The following NCMAP variants were observed in gnomAD, a reference collection of about 807,000 sequenced individuals.
NCMAP encodes the protein noncompact myelin-associated protein.
In NCMAP, 8 loss-of-function variants were observed where a neutral mutation model predicts 7.8. The observed-to-expected ratio is 1.02, with a 90% CI of 0.60 to 1.84. The LOEUF is 1.84. NCMAP is among the 40% of genes most tolerant of loss of function. The pLI is 0.00. For synonymous variants in NCMAP, 41 were observed against 52.9 expected, an observed-to-expected ratio of 0.78 and a Z score of 0.98; for missense variants, 112 against 131.4, an observed-to-expected ratio of 0.85 and a Z score of 0.72.
At position 24,595,459 on chromosome 1, in the gene NCMAP, C is replaced by A. The variant is rs778420048; in HGVS notation, c.29C>A (p.Thr10Asn). Residue 10 changes from threonine to asparagine, a missense_variant, in exon 2 of 4, where the codon ACC (threonine) becomes AAC (asparagine). Thr to Asn is a moderately conservative substitution (Grantham distance 65). Coordinates refer to ENST00000374392, the MANE Select transcript of NCMAP (RefSeq NM_001010980.5). MTTATPLGD[T>N]TFFSLNMTTR... ...ACCACAGCCACCCCTCTGGGGGATA[C>A]CACCTTCTTCTCACTGAACATGACC... is the stretch of plus-strand genomic sequence containing the variant. 2.0e-5 allele frequency: 33 copies of A among 1,613,864 alleles called. No homozygotes were observed. The highest frequency in any genetic ancestry group is 4.0e-5 in the African/African-American group (3 of 74,916).
At chr1:24,600,816 C>A in intron 2 of NCMAP, 124 bp from the exon 3 acceptor site, 1 of 809,254 alleles carries the variant, frequency 1.2e-6, no homozygotes, top group South Asian at 1.5e-5. Flanking sequence ...GGGAGTGTCC[C>A]AGGATGTTGC....
chr1:24,577,725 A>G (rs552727255), intron 1 of NCMAP, among the ~76,000 whole-genome samples: 1 of 152,164 alleles, frequency 6.6e-6, no homozygotes, highest in Admixed American at 6.5e-5. Context: ...AACTACATCT[A>G]CATAGTCTTG....
chr1:24,592,791 C>A (rs768336944), intron 1 of NCMAP, among the ~76,000 whole-genome samples: 2 of 151,986 alleles, frequency 1.3e-5, no homozygotes, highest in Non-Finnish European at 2.9e-5. Flanking sequence ...TGGTGGCGGG[C>A]GCCTGTAGTC....
At chr1:24,574,265 C>T (rs774060246) in intron 1 of NCMAP, among the ~76,000 whole-genome samples, 1 of 150,548 alleles carries the variant, frequency 6.6e-6, no homozygotes, top group Non-Finnish European at 1.5e-5. Context: ...ATTACAGGTG[C>T]GTGCCACCAT....
chr1:24,585,966 G>A (rs912609333), intron 1 of NCMAP, among the ~76,000 whole-genome samples: 2 of 152,166 alleles, frequency 1.3e-5, no homozygotes, highest in African/African-American at 4.8e-5. Context: ...CAGAGAACAA[G>A]GAATTCAAGC....
At chr1:24,599,516 T>C (rs937530857) in intron 2 of NCMAP, among the ~76,000 whole-genome samples, 1 of 152,130 alleles carries the variant, frequency 6.6e-6, no homozygotes, top group Admixed American at 6.6e-5. Context: ...AAGAAAAATA[T>C]ATAATTAAAC....
In NCMAP at chr1:24,607,719, G is replaced by T. The variant is rs1393050423; in HGVS notation, c.*1972G>T. 1.3e-5 allele frequency: 2 copies of T among 152,222 alleles called. No homozygotes were observed. Among genetic ancestry groups the T allele is most frequent in the Admixed American group, 6.5e-5 (1 of 15,278 alleles). The allele number at this position is 152,222 out of a possible 1,614,324, so 9.4% of individuals were successfully genotyped here. ...GTCTCTACTAATAATACAAAATTTA[G>T]CTGGGCATGGTGGCATGCACCTGTA... On this transcript the variant is annotated 3_prime_UTR_variant, in exon 4 of 4. Transcript: ENST00000374392.
intron 1 of NCMAP, among the ~76,000 whole-genome samples, chr1:24,588,725 C>T (rs987075880): frequency 5.9e-5 from 9 of 152,240 alleles, no homozygotes; most frequent in Non-Finnish European, 1.2e-4. Context: ...AAGAAAACAA[C>T]AGTCCCTTGT....
At chr1:24,557,102 T>C (rs1188431864) in intron 1 of NCMAP, among the ~76,000 whole-genome samples, 1 of 152,206 alleles carries the variant, frequency 6.6e-6, no homozygotes, top group Non-Finnish European at 1.5e-5. Flanking sequence ...TATTAATGTC[T>C]GCTAGCAGCT....
In NCMAP at chr1:24,576,450, C is replaced by T. The variant is rs143654356; in HGVS notation, c.-7-18974C>T. ...AACTCCTGTCCTCTCTGGAGTCCAG[C>T]GGCTGCCAGGCCCAGGCTTGGCAGG... On this transcript the variant is annotated intron_variant, in intron 1 of 3. Transcript: ENST00000374392. The surrounding 1 kb of genome is among the most constrained non-coding windows in gnomAD (Gnocchi z 4.0). Among the ~76,000 whole-genome samples the T allele has an allele frequency of 2.7e-4, 41 of 152,232 alleles. No individual in the cohort carries two copies. Among genetic ancestry groups the T allele is most frequent in the African/African-American group, 8.7e-4 (36 of 41,530 alleles).
intron 1 of NCMAP, among the ~76,000 whole-genome samples, chr1:24,593,277 G>A (rs767328633): frequency 2.6e-5 from 4 of 151,992 alleles, no homozygotes; most frequent in African/African-American, 4.8e-5. Flanking sequence ...TTGAGTCCAG[G>A]AGTTTGAGAC....
At chr1:24,561,630 G>A (rs1206515030) in intron 1 of NCMAP, among the ~76,000 whole-genome samples, 1 of 151,936 alleles carries the variant, frequency 6.6e-6, no homozygotes, top group Admixed American at 6.6e-5. Flanking sequence ...GAAGGGAGGG[G>A]CCGGGCGCGG....
chr1:24,601,272 C>A (rs1652479832), intron 3 of NCMAP, among the ~76,000 whole-genome samples: 1 of 152,042 alleles, frequency 6.6e-6, no homozygotes, highest in Non-Finnish European at 1.5e-5. Context: ...TGGTCTTGAG[C>A]ACTGTGGTAA....
chr1:24,577,711 T>C (rs970518787), intron 1 of NCMAP, among the ~76,000 whole-genome samples: 13 of 152,126 alleles, frequency 8.5e-5, no homozygotes, highest in African/African-American at 2.9e-4. Context: ...ATGGCATAGA[T>C]ATTAACTACA....
chr1:24,572,568 G>A (rs1651420488), intron 1 of NCMAP, among the ~76,000 whole-genome samples: 1 of 150,314 alleles, frequency 6.7e-6, no homozygotes, highest in Admixed American at 6.6e-5. Flanking sequence ...GGACACACCA[G>A]CCCACAGAGG....
intron 2 of NCMAP, among the ~76,000 whole-genome samples, chr1:24,597,857 C>T (rs926013852): frequency 6.6e-6 from 1 of 151,740 alleles, no homozygotes; most frequent in African/African-American, 2.4e-5. Context: ...TTGAGATGTA[C>T]TTATACTAAA....
At chr1:24,565,896 A>C (rs541622634) in intron 1 of NCMAP, among the ~76,000 whole-genome samples, 3 of 152,270 alleles carry the variant, frequency 2.0e-5, no homozygotes, top group Admixed American at 2.0e-4. Context: ...GAGAGACCAG[A>C]TGGAGGTAAT....
At chr1:24,584,857 A>T (rs1651833873) in intron 1 of NCMAP, among the ~76,000 whole-genome samples, 2 of 151,766 alleles carry the variant, frequency 1.3e-5, no homozygotes, top group South Asian at 4.2e-4. Flanking sequence ...AAACAGACCC[A>T]CGGCCCTCTT....
intron 1 of NCMAP, among the ~76,000 whole-genome samples, chr1:24,563,416 G>A (rs1651113678): frequency 6.6e-6 from 1 of 152,124 alleles, no homozygotes; most frequent in South Asian, 2.1e-4. Flanking sequence ...AGCTACTTCA[G>A]GAGGCTGAGG....
Sources: gnomAD v4.1 joint callset for allele counts (sites outside exome capture counted in the v4.1 genomes callset) on GRCh38, gnomAD v4.1.1 for gene constraint, Gnocchi (gnomAD v3.1) non-coding constraint, MANE v1.5 for transcripts, NCBI Gene and HGNC (gene_info 2026-07-23, HGNC 2026-07-21) for gene names.